Variants in DNAH5 observed in about 807,000 individuals in gnomAD.
The protein encoded by DNAH5 is axonemal beta dynein heavy chain 5.
Under a neutral mutation model 518.2 loss-of-function variants are expected in DNAH5, and 372 were observed. That is an observed-to-expected ratio of 0.72 (90% CI 0.66 to 0.78). The LOEUF (loss-of-function observed/expected upper bound fraction) is 0.78. DNAH5 is among the 30% of genes least tolerant of loss of function. DNAH5 has a pLI of 0.00. For synonymous variants in DNAH5, 2,039 were observed against 2,025.9 expected (o/e 1.01, Z -0.17); for missense variants, 5,523 against 5,687.0 (o/e 0.97, Z 0.93).
At chr5:13,791,638 T>C (rs896417492) in intron 50 of DNAH5, among the ~76,000 whole-genome samples, 18 of 152,202 alleles carry the variant, frequency 1.2e-4, no homozygotes, top group African/African-American at 4.3e-4. Flanking sequence ...ATATGAAGAC[T>C]ATTATATAGT....
chr5:13,751,820 AG>A (rs1370229707), intron 64 of DNAH5, among the ~76,000 whole-genome samples: 1 of 152,074 alleles, frequency 6.6e-6, no homozygotes, highest in Non-Finnish European at 1.5e-5. Context: ...GTGCCAAAGC[AG>A]GGGGCACCCA....
rs185617432 is a variant in DNAH5 at position 13,733,312 on chromosome 5, G to A, written c.11761+1819C>T. Among the ~76,000 whole-genome samples the A allele has an allele frequency of 9.2e-5, 14 of 152,264 alleles. 1 individual carries two copies. The East Asian group carries it at 1.4e-3, about 15-fold the overall frequency. ...GTTTGCTATCATGAAGACAAACTGT[G>A]AGATGCTTCACAGTATTTCAACAAG... On this transcript the variant is annotated intron_variant, in intron 68 of 78. Coordinates refer to ENST00000265104, the MANE Select transcript of DNAH5 (RefSeq NM_001369.3).
chr5:13,767,285 G>A (rs550463283), intron 58 of DNAH5, among the ~76,000 whole-genome samples: 37 of 152,066 alleles, frequency 2.4e-4, no homozygotes, highest in Middle Eastern at 3.4e-3. Flanking sequence ...CCACCATGCC[G>A]GGCTAATTTT....
In DNAH5 at chr5:13,911,402, T is replaced by C; in HGVS notation, c.1628A>G (p.Gln543Arg). The change falls in exon 12 of 79, where the codon CAG becomes CGG. Residue 543 changes from glutamine to arginine, a missense_variant. By Grantham distance (43) the Gln-to-Arg change is conservative. This residue lies in a region of DNAH5 where 5,121 missense variants were observed against 5,223.3 expected (regional missense o/e 0.98). Coordinates refer to ENST00000265104, the MANE Select transcript of DNAH5 (RefSeq NM_001369.3). ...FDQDYEEFCKQTNDLHNELRK... is the reference protein window; with the variant it reads ...FDQDYEEFCKRTNDLHNELRK... ...ACAACCTACATGAAGGTCATTAGTCTGCTTGCAAAACTCTTCGTAATCTTG... is the reference window on the plus strand; with the variant it reads ...ACAACCTACATGAAGGTCATTAGTCCGCTTGCAAAACTCTTCGTAATCTTG... 1.2e-6 allele frequency: 2 copies of C among 1,613,810 alleles called. No individual in the cohort carries two copies. The highest frequency in any genetic ancestry group is 1.7e-6 in the Non-Finnish European group (2 of 1,179,744).
intron 65 of DNAH5, among the ~76,000 whole-genome samples, chr5:13,738,091 A>AG (rs558237133): frequency 6.6e-6 from 1 of 151,472 alleles, no homozygotes; most frequent in Non-Finnish European, 1.5e-5. Context: ...AAATGTTAAA[A>AG]AAAAAAAAAA....
At chr5:13,908,239 G>A (rs1300746399) in intron 12 of DNAH5, among the ~76,000 whole-genome samples, 2 of 151,956 alleles carry the variant, frequency 1.3e-5, no homozygotes, top group South Asian at 4.2e-4. Context: ...CACATCCTAG[G>A]ATGAAAAAAT....
intron 75 of DNAH5, among the ~76,000 whole-genome samples, chr5:13,713,458 TATATATATACACACACCG>T: frequency 1.5e-5 from 2 of 132,168 alleles, no homozygotes; most frequent in South Asian, 4.6e-4. Context: ...TATATATATA[TATATATATACACACACCG>T]ATATATATAT....
chr5:13,980,918 C>T (rs761917198), intron 1 of DNAH5, among the ~76,000 whole-genome samples: 14 of 152,232 alleles, frequency 9.2e-5, no homozygotes, highest in Non-Finnish European at 1.9e-4. Flanking sequence ...GATCTTCCCA[C>T]ATCTTGGAAC....
intron 11 of DNAH5, among the ~76,000 whole-genome samples, chr5:13,912,480 T>TACAC (rs70964517): frequency 1.7e-4 from 25 of 149,078 alleles, no homozygotes; most frequent in Non-Finnish European, 3.0e-4. Flanking sequence ...ATAAAATATA[T>TACAC]ACACACACAC....
At position 13,769,509 on chromosome 5, in the gene DNAH5, C is replaced by T. The variant is rs781456595; in HGVS notation, c.9712G>A (p.Ala3238Thr). 6.2e-7 allele frequency: 1 copy of T among 1,613,776 alleles called. No individual in the cohort carries two copies. Among genetic ancestry groups the T allele is most frequent in the Non-Finnish European group, 8.5e-7 (1 of 1,179,796 alleles). ...TGTAAATGCCCACCCACCATGTCGGCTTTATCGTTGGCCACTTGTAGCTCC... is the reference window on the plus strand; with the variant it reads ...TGTAAATGCCCACCCACCATGTCGGTTTTATCGTTGGCCACTTGTAGCTCC... ...EKELQVANDK[A>T]DMVLKEVTMK... is the part of the protein sequence containing the mutation. The change falls in exon 57 of 79, where the codon GCC becomes ACC. Residue 3238 changes from alanine to threonine, a missense_variant. This residue lies in a region of DNAH5 where 5,121 missense variants were observed against 5,223.3 expected (regional missense o/e 0.98). Coordinates refer to ENST00000265104, the MANE Select transcript of DNAH5 (RefSeq NM_001369.3).
At chr5:13,716,811 T>C (rs181261364) in intron 73 of DNAH5, 121 bp from the exon 74 acceptor site, 9 of 747,806 alleles carry the variant, frequency 1.2e-5, no homozygotes, top group Non-Finnish European at 1.9e-5. Flanking sequence ...TCATCAGTAC[T>C]GCAAAGAGAA....
At chr5:13,759,829 A>AT (rs1751529978) in intron 60 of DNAH5, among the ~76,000 whole-genome samples, 1 of 152,190 alleles carries the variant, frequency 6.6e-6, no homozygotes, top group African/African-American at 2.4e-5. Context: ...CTTTCATGGG[A>AT]TGACTAGAAG....
rs148123430 is a variant in DNAH5, at chr5:13,717,497, C to T, written c.12523G>A (p.Val4175Met). 943 of 1,614,128 alleles carry T rather than the reference C, an allele frequency of 5.8e-4. No individual in the cohort carries two copies. Among genetic ancestry groups the T allele is most frequent in the Non-Finnish European group, 7.4e-4 (873 of 1,180,004 alleles). ...YSGVSQDLLD[V>M]SSGSQWKPML... ...GGCTTCCACTGGGACCCAGAGCTCA[C>T]GTCCAGCAGGTCTTGGCTGACACCT... The change falls in exon 73 of 79, where the codon GTG (valine) becomes ATG (methionine). Residue 4175 changes from valine (V) to methionine (M), a missense_variant. Val to Met is a conservative substitution (Grantham distance 21). Coordinates refer to ENST00000265104, the MANE Select transcript of DNAH5 (RefSeq NM_001369.3).
At chr5:14,003,266 A>G (rs1355715562) in intron 1 of DNAH5, among the ~76,000 whole-genome samples, 1 of 152,240 alleles carries the variant, frequency 6.6e-6, no homozygotes, top group Non-Finnish European at 1.5e-5. Context: ...TTTCCACTTG[A>G]TAATAAATAT....
At position 13,768,948 on chromosome 5, in the gene DNAH5, A is replaced by T. The variant is rs1189787566; in HGVS notation, c.9897+12T>A. ...CCCTAAAGCTGACATCTGTTATATC[A>T]CATAGATGCACCTGCAATGCAGCTT... On this transcript the variant is annotated intron_variant, in intron 58 of 78. Transcript: ENST00000265104. 1 of 1,614,046 alleles carries T rather than the reference A, an allele frequency of 6.2e-7. No individual in the cohort carries two copies. The highest frequency in any genetic ancestry group is 1.7e-5 in the Admixed American group (1 of 60,016).
chr5:13,720,534 C>T (rs562118146), intron 71 of DNAH5, among the ~76,000 whole-genome samples: 1 of 152,226 alleles, frequency 6.6e-6, no homozygotes, highest in African/African-American at 2.4e-5. Context: ...AGGCACAGGC[C>T]ACCACGTCCA....
At chr5:13,854,267 C>T (rs1402926963) in intron 30 of DNAH5, among the ~76,000 whole-genome samples, 3 of 152,122 alleles carry the variant, frequency 2.0e-5, no homozygotes, top group South Asian at 2.1e-4. Flanking sequence ...TCCAGCCAAA[C>T]TAAGCTTCAT....
intron 1 of DNAH5, among the ~76,000 whole-genome samples, chr5:13,989,659 A>G (rs572777426): frequency 2.0e-5 from 3 of 151,902 alleles, no homozygotes; most frequent in African/African-American, 4.8e-5. Context: ...AATTTTTTAT[A>G]TTTTTAGTAG....
chr5:13,898,775 C>T, intron 15 of DNAH5: 1 of 395,712 alleles, frequency 2.5e-6, no homozygotes, highest in African/African-American at 2.1e-5. Context: ...TGATGTTAAC[C>T]ACTATGAAAT....
Sources: gnomAD v4.1 joint callset for allele counts (sites outside exome capture counted in the v4.1 genomes callset) on GRCh38, gnomAD v4.1.1 for gene constraint, gnomAD v4.1.1 regional missense constraint, MANE v1.5 for transcripts, NCBI Gene and HGNC (gene_info 2026-07-23, HGNC 2026-07-21) for gene names.